The following PUDP variants were observed in gnomAD, a reference collection of about 807,000 sequenced individuals.
The protein encoded by PUDP is pseudouridine-5'-phosphatase.
In PUDP, 8 loss-of-function variants were observed where a neutral mutation model predicts 9.4. The observed-to-expected ratio is 0.85, with a 90% confidence interval of 0.50 to 1.53. PUDP has a LOEUF of 1.53. Among genes scored for constraint, PUDP ranks in the 40% most tolerant of loss-of-function variants. The pLI, the probability that PUDP is intolerant of heterozygous loss-of-function variation, is 0.00. For missense variants in PUDP, 188 were observed against 189.7 expected (o/e 0.99, Z 0.05); for synonymous variants, 99 against 80.7 (o/e 1.23, Z -1.22).
At chrX:6,987,218 T>A (rs1207875635) in intron 1 of PUDP, among the ~76,000 whole-genome samples, 5 of 111,820 alleles carry the variant, frequency 4.5e-5, no homozygotes, top group Non-Finnish European at 9.4e-5. Context: ...AAATGCAAAA[T>A]CCAGCAGCCT....
intron 1 of PUDP, among the ~76,000 whole-genome samples, chrX:6,993,291 T>G (rs1929210408): frequency 8.9e-6 from 1 of 112,065 alleles, no homozygotes; most frequent in African/African-American, 3.2e-5. Context: ...CTTAGGTCTG[T>G]GAAATAAGGG....
At chrX:7,116,861 C>T (rs1009950910) in intron 1 of PUDP, 2 of 1,095,357 alleles carry the variant, frequency 1.8e-6, no homozygotes, top group South Asian at 2.2e-5. Flanking sequence ...TGAGCTCTTG[C>T]TCTGAGTTCA....
intron 3 of PUDP, among the ~76,000 whole-genome samples, chrX:6,730,122 A>G (rs1443577873): frequency 9.0e-6 from 1 of 111,610 alleles, no homozygotes; most frequent in Non-Finnish European, 1.9e-5. Context: ...GGTGCCCCTG[A>G]CCTTTGACAA....
intron 1 of PUDP, among the ~76,000 whole-genome samples, chrX:6,720,964 C>T (rs748058089): frequency 9.0e-6 from 1 of 111,442 alleles, no homozygotes; most frequent in Non-Finnish European, 1.9e-5. Context: ...GTCACAAGAA[C>T]GAACTGTTTA....
At chrX:6,753,812 G>C (rs939783959) in intron 3 of PUDP, among the ~76,000 whole-genome samples, 2 of 111,354 alleles carry the variant, frequency 1.8e-5, no homozygotes, top group African/African-American at 6.5e-5. Context: ...CCCACTTTTT[G>C]ATGGAATTGT....
chrX:6,948,660 A>G (rs1928506406), intron 3 of PUDP, among the ~76,000 whole-genome samples: 2 of 112,071 alleles, frequency 1.8e-5, no homozygotes, highest in Non-Finnish European at 3.8e-5. Context: ...TAAAGAAAAC[A>G]AGAATATTTT....
intron 3 of PUDP, among the ~76,000 whole-genome samples, chrX:6,960,961 C>CT (rs1020861461): frequency 8.1e-5 from 9 of 111,507 alleles, no homozygotes; most frequent in Admixed American, 3.8e-4. Flanking sequence ...TGCAATGAAG[C>CT]TTTTTTTTAC....
intron 1 of PUDP, among the ~76,000 whole-genome samples, chrX:7,144,255 C>A (rs140060145): frequency 8.9e-6 from 1 of 112,192 alleles, no homozygotes; most frequent in Admixed American, 9.4e-5. Flanking sequence ...TTGTCAGCTG[C>A]ACTTTTAAAC....
chrX:7,076,420 C>A (rs1278180846), intron 3 of PUDP, among the ~76,000 whole-genome samples: 3 of 111,966 alleles, frequency 2.7e-5, no homozygotes, highest in Non-Finnish European at 3.8e-5. Context: ...GGGAGCCCCC[C>A]TTTCAAGGGT....
At chrX:7,132,116 T>C (rs1569168404) in intron 1 of PUDP, among the ~76,000 whole-genome samples, 1 of 107,666 alleles carries the variant, frequency 9.3e-6, no homozygotes, top group East Asian at 3.1e-4. Context: ...TGCAGTCCCC[T>C]GAAGAACAGG....
At chrX:7,014,494 T>G (rs982558410) in intron 1 of PUDP, among the ~76,000 whole-genome samples, 5 of 111,435 alleles carry the variant, frequency 4.5e-5, no homozygotes, top group African/African-American at 1.6e-4. Context: ...GAATTAGCAA[T>G]AGAATCTTTT....
rs1318871688 is a variant in PUDP at position 6,891,569 on chromosome X, GACAAGGCATTGCCCTCTGTTCTTGC to G, written c.*247+85539_*247+85563del. ...CTCCTTTCTCCTCTCTGTCAGCCTG[GACAAGGCATTGCCCTCTGTTCTTGC>G]ACAAGCCATTGCCCTCTGCCTTGGA... On this transcript the variant is annotated intron_variant and NMD_transcript_variant, in intron 3 of 3. Coordinates refer to the PUDP transcript ENST00000655425. 4.5e-5 allele frequency among the ~76,000 whole-genome samples: 5 copies of G among 112,163 alleles called. No individual in the cohort carries two copies. The East Asian group carries it at 1.1e-3, about 25-fold the overall frequency.
intron 1 of PUDP, among the ~76,000 whole-genome samples, chrX:7,113,758 C>G (rs1232894184): frequency 8.9e-6 from 1 of 112,005 alleles, no homozygotes; most frequent in Non-Finnish European, 1.9e-5. Flanking sequence ...TCCTAAACAC[C>G]TTGATTCTCG....
At chrX:6,872,353 G>A (rs1382822040) in intron 3 of PUDP, among the ~76,000 whole-genome samples, 3 of 110,949 alleles carry the variant, frequency 2.7e-5, no homozygotes, top group Non-Finnish European at 5.7e-5. Context: ...AGTGTTATTC[G>A]ATTAGGATCC....
chrX:7,035,739 G>A, intron 1 of PUDP, among the ~76,000 whole-genome samples: 1 of 111,871 alleles, frequency 8.9e-6, no homozygotes, highest in South Asian at 3.8e-4. Flanking sequence ...ATGGAAGTTT[G>A]TTTGGTTGCA....
At chrX:6,861,567 CA>C (rs1166281769) in intron 3 of PUDP, among the ~76,000 whole-genome samples, 1 of 111,823 alleles carries the variant, frequency 8.9e-6, no homozygotes, top group East Asian at 2.8e-4. Context: ...GAAAATGTGA[CA>C]GTTTTGAAAT....
intron 3 of PUDP, among the ~76,000 whole-genome samples, chrX:6,769,038 C>T (rs761302869): frequency 7.3e-4 from 82 of 111,816 alleles, no homozygotes; most frequent in African/African-American, 2.5e-3. Flanking sequence ...TGGCACAGTG[C>T]TCGAAATGTC....
At chrX:7,077,154 C>A in intron 3 of PUDP, 66 bp downstream of exon 3, 1 of 1,153,334 alleles carries the variant, frequency 8.7e-7, no homozygotes, top group Non-Finnish European at 1.2e-6. Flanking sequence ...TTAGCAAACA[C>A]TACATGGATA....
At chrX:7,066,292 C>T (rs1569150252) in intron 3 of PUDP, among the ~76,000 whole-genome samples, 1 of 111,492 alleles carries the variant, frequency 9.0e-6, no homozygotes, top group Non-Finnish European at 1.9e-5. Flanking sequence ...CAAGGAACTA[C>T]GAGGCATGGA....
Sources: gnomAD v4.1 joint callset for allele counts (sites outside exome capture counted in the v4.1 genomes callset) on GRCh38, gnomAD v4.1.1 for gene constraint, MANE v1.5 for transcripts, NCBI Gene and HGNC (gene_info 2026-07-23, HGNC 2026-07-21) for gene names.